The following HIF3A variants were observed in gnomAD, a reference collection of about 807,000 sequenced individuals.
HIF3A encodes the protein hypoxia-inducible factor 3-alpha.
In HIF3A, 41 loss-of-function variants were observed where a neutral mutation model predicts 67.2. That is an observed-to-expected ratio of 0.61 (90% CI 0.48 to 0.79). The LOEUF is 0.79. Ranked by LOEUF, HIF3A falls within the 30% of genes least tolerant of loss-of-function variation. HIF3A has a pLI of 0.00. For missense variants in HIF3A, 855 were observed against 898.0 expected (o/e 0.95, Z 0.61); for synonymous variants, 356 against 374.8 (o/e 0.95, Z 0.58).
chr19:46,311,574 C>T (rs1258176838), intron 6 of HIF3A, among the ~76,000 whole-genome samples: 6 of 152,114 alleles, frequency 3.9e-5, no homozygotes, highest in Admixed American at 3.3e-4. Flanking sequence ...TCAAGACTAA[C>T]GTTAGGCAGG....
Position 46,341,304 on chromosome 19 carries a change from A to G in HIF3A, c.*1682A>G, listed in dbSNP as rs1187735127. 4.6e-5 allele frequency: 7 copies of G among 151,088 alleles called. No individual in the cohort carries two copies. Among genetic ancestry groups the G allele is most frequent in the Admixed American group, 6.6e-5 (1 of 15,188 alleles). The allele number at this position is 151,088 out of a possible 1,614,324, so 9.4% of individuals were successfully genotyped here. A position where few individuals can be genotyped will look rare whatever the true frequency, so the allele number is the denominator to read the frequency against. ...AGCCTCCACCTCCTGGGTTCAAGCA[A>G]TTCTTGGGCCTCAGCCTCCCAAATA... On this transcript the variant is annotated 3_prime_UTR_variant, in exon 15 of 15. Coordinates refer to ENST00000377670, the MANE Select transcript of HIF3A (RefSeq NM_152795.4).
intron 10 of HIF3A, 22 bp from the exon 11 acceptor site, chr19:46,325,513 T>C: frequency 6.4e-7 from 1 of 1,566,624 alleles, no homozygotes; most frequent in Non-Finnish European, 8.8e-7. Context: ...TTTCCTGAAG[T>C]TTCTACTCCA....
intron 8 of HIF3A, chr19:46,312,951 G>C: frequency 2.0e-6 from 2 of 980,612 alleles, no homozygotes; most frequent in South Asian, 4.9e-5. Context: ...ATTCAAATTA[G>C]AAAGGGGTCT....
chr19:46,327,543 T>A (rs1970880344), intron 11 of HIF3A, among the ~76,000 whole-genome samples: 1 of 152,072 alleles, frequency 6.6e-6, no homozygotes, highest in Non-Finnish European at 1.5e-5. Flanking sequence ...CACTTATTAA[T>A]GTTAGCATCA....
chr19:46,334,371 C>T (rs1355048473), intron 13 of HIF3A, among the ~76,000 whole-genome samples: 1 of 152,112 alleles, frequency 6.6e-6, no homozygotes, highest in African/African-American at 2.4e-5. Flanking sequence ...GGATTACAGG[C>T]GTGAGCCGCC....
chr19:46,305,447 G>A (rs1427717287), intron 3 of HIF3A, 57 bp downstream of exon 3: 1 of 1,548,300 alleles, frequency 6.5e-7, no homozygotes, highest in Admixed American at 1.7e-5. Context: ...TGGGGATACA[G>A]TGGTGACCAG....
chr19:46,301,431 C>T (rs1305658439), intron 1 of HIF3A, among the ~76,000 whole-genome samples: 1 of 152,142 alleles, frequency 6.6e-6, no homozygotes, highest in Non-Finnish European at 1.5e-5. Context: ...ACTCACCGCC[C>T]AGATTCAAAT....
chr19:46,342,607 T>A lies in HIF3A; in HGVS notation c.*2985T>A, dbSNP rs1003012525. On this transcript the variant is annotated 3_prime_UTR_variant, in exon 15 of 15. Transcript: ENST00000377670. The stretch of plus-strand genomic sequence containing the variant: ...TAAGCCTCACAGCTTCCAACTGCCT[T>A]TGATTTCAGATCCAAATTCCTCTGA... The A allele has an allele frequency of 2.0e-5, 3 of 152,196 alleles. No homozygotes were observed. The highest frequency in any genetic ancestry group is 7.2e-5 in the African/African-American group (3 of 41,444). The allele number at this position is 152,196 out of a possible 1,614,324, so 9.4% of individuals were successfully genotyped here.
chr19:46,328,089 G>A lies in HIF3A; in HGVS notation c.1441-1118G>A, dbSNP rs527604809. Reference sequence around the variant, plus strand: ...TGCTACCTCTACCTTCCCTGGATCCGGCTGATTTTGTGCGGGCCAAAGCCC... The same window carrying A: ...TGCTACCTCTACCTTCCCTGGATCCAGCTGATTTTGTGCGGGCCAAAGCCC... On this transcript the variant is annotated intron_variant, in intron 11 of 14. Transcript: ENST00000377670. Among the ~76,000 whole-genome samples, 18 of 152,334 alleles carry A rather than the reference G, an allele frequency of 1.2e-4. No homozygotes were observed. In the South Asian group the frequency reaches 1.4e-3, roughly 12 times the overall value.
At chr19:46,311,883 CAAAA>C (rs1476963220) in intron 6 of HIF3A, among the ~76,000 whole-genome samples, 1 of 152,024 alleles carries the variant, frequency 6.6e-6, no homozygotes, top group African/African-American at 2.4e-5. Context: ...ACAAAACAAA[CAAAA>C]AACTTCTAAT....
rs542186240 is a variant in HIF3A at position 46,324,985 on chromosome 19, T to TTGTGTGTGTG, written c.1336-529_1336-520dup. On this transcript the variant is annotated intron_variant, in intron 10 of 14. Coordinates refer to ENST00000377670, the MANE Select transcript of HIF3A (RefSeq NM_152795.4). ...ACATACACACACACACACACATATA[T>TTGTGTGTGTG]TGTGTGTGTGTGTGTGTGTGTGTGT... Among the ~76,000 whole-genome samples, 1,245 of 127,912 alleles carry TTGTGTGTGTG rather than the reference T, an allele frequency of 9.7e-3. 19 individuals carry two copies. The highest frequency in any genetic ancestry group is 0.029 in the African/African-American group (997 of 33,844). The allele number at this position is 127,912 out of a possible 152,430, so 83.9% of individuals were successfully genotyped here. A position where few individuals can be genotyped will look rare whatever the true frequency, so the allele number is the denominator to read the frequency against.
chr19:46,336,188 G>A (rs558111492), intron 14 of HIF3A, among the ~76,000 whole-genome samples: 1 of 145,526 alleles, frequency 6.9e-6, no homozygotes, highest in East Asian at 2.1e-4. Context: ...CTGCCCCCAG[G>A]TTCACGCCAT....
chr19:46,314,198 A>T (rs1227468996), intron 8 of HIF3A, among the ~76,000 whole-genome samples: 1 of 148,386 alleles, frequency 6.7e-6, no homozygotes, highest in Non-Finnish European at 1.5e-5. Context: ...TGGGTTATAT[A>T]GTAAGTGTAT....
At chr19:46,312,739 GTA>G in intron 8 of HIF3A, 86 bp downstream of exon 8, 1 of 1,499,106 alleles carries the variant, frequency 6.7e-7, no homozygotes, top group Non-Finnish European at 8.9e-7. Context: ...GTGTGTGTGC[GTA>G]TGAGCATGCA....
chr19:46,303,385 T>C (rs1402162295), intron 1 of HIF3A, among the ~76,000 whole-genome samples: 1 of 152,130 alleles, frequency 6.6e-6, no homozygotes, highest in Non-Finnish European at 1.5e-5. Context: ...CGTTAGACTT[T>C]GAGATCTATG....
chr19:46,307,987 C>T (rs377696511), intron 3 of HIF3A, among the ~76,000 whole-genome samples: 21,067 of 107,374 alleles, frequency 0.2, 1,608 homozygotes, highest in East Asian at 0.25. Context: ...GACAGACAGA[C>T]AGACAGACAG....
At chr19:46,303,543 TC>T (rs111637320) in intron 1 of HIF3A, 46,633 of 1,401,364 alleles carry the variant, frequency 0.033, 2,202 homozygotes, top group African/African-American at 0.22. Flanking sequence ...GCCAGCCCCC[TC>T]CCAGCAGGGG....
chr19:46,302,742 T>C (rs1277043044), intron 1 of HIF3A, among the ~76,000 whole-genome samples: 1 of 152,088 alleles, frequency 6.6e-6, no homozygotes, highest in Admixed American at 6.6e-5. Context: ...GGCGTGCTGA[T>C]ACGCACCTGT....
intron 11 of HIF3A, 100 bp from the exon 12 acceptor site, chr19:46,329,107 G>T: frequency 1.7e-6 from 2 of 1,160,682 alleles, no homozygotes; most frequent in Non-Finnish European, 2.4e-6. Context: ...TCAGACTGTT[G>T]ACCACAGGCA....
Sources: gnomAD v4.1 joint callset for allele counts (sites outside exome capture counted in the v4.1 genomes callset) on GRCh38, gnomAD v4.1.1 for gene constraint, MANE v1.5 for transcripts, NCBI Gene and HGNC (gene_info 2026-07-23, HGNC 2026-07-21) for gene names.